PDE1C: variants seen among roughly 807,000 people sequenced by gnomAD.
PDE1C encodes phosphodiesterase 1C.
PDE1C carries 62 observed loss-of-function variants against 93.1 expected under a neutral mutation model. The observed-to-expected ratio is 0.67, with a 90% CI of 0.54 to 0.82. PDE1C has a LOEUF of 0.82. Among genes scored for constraint, PDE1C ranks in the 40% least tolerant of loss-of-function variants. The pLI is 0.00. For missense variants in PDE1C, 742 were observed against 884.6 expected (o/e 0.84, Z 2.04); for synonymous variants, 325 against 310.1 (o/e 1.05, Z -0.50).
chr7:31,765,269 T>C (rs1795070557), intron 17 of PDE1C, among the ~76,000 whole-genome samples: 1 of 152,186 alleles, frequency 6.6e-6, no homozygotes, highest in African/African-American at 2.4e-5. Flanking sequence ...ATGCTAAGGA[T>C]ATAAAAATAG....
intron 2 of PDE1C, among the ~76,000 whole-genome samples, chr7:32,034,417 C>A (rs960790509): frequency 6.6e-6 from 1 of 152,022 alleles, no homozygotes; most frequent in Non-Finnish European, 1.5e-5. Flanking sequence ...ATTTGTGCCT[C>A]GGACAAAGAT....
the PDE1C span, chr7:31,696,148 G>A: frequency 3.3e-5 from 5 of 152,320 alleles, no homozygotes; most frequent in African/African-American, 1.2e-4. Context: ...CAGCTAACAT[G>A]TCTCTGTAAC....
In PDE1C at chr7:31,751,416, A is replaced by T; in HGVS notation, c.*1968T>A. The T allele has an allele frequency of 6.6e-6, 1 of 152,190 alleles. No individual in the cohort carries two copies. Among genetic ancestry groups the T allele is most frequent in the East Asian group, 1.9e-4 (1 of 5,194 alleles). The allele number at this position is 152,190 out of a possible 1,614,324, so 9.4% of individuals were successfully genotyped here. ...TCAAGAAGCACAGCCAAGAAAACACAGCCTCATTAAATTCTCAATACCTAA... is the reference window on the plus strand; with the variant it reads ...TCAAGAAGCACAGCCAAGAAAACACTGCCTCATTAAATTCTCAATACCTAA... On this transcript the variant is annotated 3_prime_UTR_variant, in exon 18 of 18. Transcript: ENST00000396191.
At chr7:32,356,395 C>T (rs777066304) in intron 1 of PDE1C, among the ~76,000 whole-genome samples, 8 of 152,188 alleles carry the variant, frequency 5.3e-5, no homozygotes, top group Non-Finnish European at 8.8e-5. Flanking sequence ...GAGAAATACT[C>T]GCTTAGTAAA....
intron 2 of PDE1C, among the ~76,000 whole-genome samples, chr7:31,965,329 G>A (rs148212803): frequency 0.027 from 4,052 of 152,260 alleles, 191 homozygotes; most frequent in African/African-American, 0.093. Context: ...CTCAGTAGCC[G>A]ATGCGATCAA....
At chr7:32,135,849 C>T (rs1800175071) in intron 3 of PDE1C, among the ~76,000 whole-genome samples, 1 of 152,062 alleles carries the variant, frequency 6.6e-6, no homozygotes, top group South Asian at 2.1e-4. Flanking sequence ...TTCACTACAG[C>T]CAAGATATCA....
At chr7:31,709,017 T>C in the PDE1C span, among the ~76,000 whole-genome samples, 3 of 152,126 alleles carry the variant, frequency 2.0e-5, no homozygotes, top group Non-Finnish European at 2.9e-5. Context: ...CAAAAGCAAT[T>C]ACAGGTCTAT....
chr7:32,305,232 T>C (rs537391950), intron 1 of PDE1C, among the ~76,000 whole-genome samples: 2 of 152,344 alleles, frequency 1.3e-5, no homozygotes, highest in African/African-American at 2.4e-5. Context: ...AGATGCATTG[T>C]GGTCCTCATA....
chr7:31,924,972 C>T (rs1005547309), intron 2 of PDE1C, among the ~76,000 whole-genome samples: 1 of 151,698 alleles, frequency 6.6e-6, no homozygotes, highest in Non-Finnish European at 1.5e-5. Context: ...CTCAACCTGC[C>T]AGAGTTATAG....
At chr7:32,104,084 G>A (rs1265072256) in intron 3 of PDE1C, among the ~76,000 whole-genome samples, 2 of 152,118 alleles carry the variant, frequency 1.3e-5, no homozygotes, top group Non-Finnish European at 1.5e-5. Flanking sequence ...GAGTTCCAGA[G>A]GGAGCAAAAT....
At chr7:32,149,144 G>A (rs1053869381) in intron 3 of PDE1C, among the ~76,000 whole-genome samples, 8 of 152,244 alleles carry the variant, frequency 5.3e-5, no homozygotes, top group Admixed American at 2.0e-4. Flanking sequence ...CCCAAAGAAT[G>A]CTGAGTAAAG....
At chr7:32,327,737 T>A (rs1226509812) in intron 1 of PDE1C, among the ~76,000 whole-genome samples, 1 of 135,650 alleles carries the variant, frequency 7.4e-6, no homozygotes, top group Non-Finnish European at 1.5e-5. Context: ...GTCACTGCAC[T>A]CCAGCCTGGG....
intron 3 of PDE1C, among the ~76,000 whole-genome samples, chr7:32,099,281 A>T (rs914015143): frequency 6.6e-6 from 1 of 152,228 alleles, no homozygotes. Flanking sequence ...TTTCAATAAT[A>T]GAAAGTACCT....
chr7:32,009,790 T>A (rs934961094), intron 2 of PDE1C, among the ~76,000 whole-genome samples: 18 of 152,182 alleles, frequency 1.2e-4, no homozygotes, highest in African/African-American at 4.1e-4. Context: ...GAAAACCTCA[T>A]GGAATCTGCC....
intron 1 of PDE1C, among the ~76,000 whole-genome samples, chr7:32,409,826 T>G (rs1357447172): frequency 4.6e-5 from 7 of 151,706 alleles, no homozygotes; most frequent in Non-Finnish European, 8.8e-5. Flanking sequence ...TTTCCTTATA[T>G]GTATACATAC....
intron 1 of PDE1C, among the ~76,000 whole-genome samples, chr7:32,395,720 A>G (rs1375770390): frequency 2.6e-5 from 4 of 152,232 alleles, no homozygotes; most frequent in Admixed American, 2.6e-4. Flanking sequence ...AAAGCTAAGA[A>G]GTTGTTTTAC....
At chr7:32,123,199 C>A (rs1799392747) in intron 3 of PDE1C, among the ~76,000 whole-genome samples, 1 of 152,062 alleles carries the variant, frequency 6.6e-6, no homozygotes, top group Non-Finnish European at 1.5e-5. Flanking sequence ...ATAACAAGTT[C>A]CAAAATTGAG....
chr7:31,700,940 A>G, the PDE1C span, among the ~76,000 whole-genome samples: 1 of 152,206 alleles, frequency 6.6e-6, no homozygotes, highest in Non-Finnish European at 1.5e-5. Flanking sequence ...CTGCTCATTA[A>G]CAATGTACCT....
intron 2 of PDE1C, among the ~76,000 whole-genome samples, chr7:31,909,477 C>T (rs779308901): frequency 4.6e-4 from 70 of 152,160 alleles, no homozygotes; most frequent in Middle Eastern, 3.4e-3. Context: ...ATGATCGGGA[C>T]GCACAGCATA....
Sources: allele counts gnomAD v4.1 joint callset (sites outside exome capture counted in the v4.1 genomes callset), GRCh38; gene constraint gnomAD v4.1.1; transcripts MANE v1.5; gene names NCBI Gene and HGNC (gene_info 2026-07-23, HGNC 2026-07-21).